Variants in AUTS2 observed in about 807,000 individuals in gnomAD.
The protein encoded by AUTS2 is activator of transcription and developmental regulator AUTS2, also known as autism susceptibility gene 2 protein.
AUTS2 carries 17 observed loss-of-function variants against 112.4 expected under a neutral mutation model. The ratio of observed to expected loss-of-function variants is 0.15; its 90% CI spans 0.10 to 0.23. The LOEUF is 0.23. Among genes scored for constraint, AUTS2 ranks in the 10% least tolerant of loss-of-function variants. The pLI is 1.00. For synonymous variants in AUTS2, 751 were observed against 702.7 expected, an observed-to-expected ratio of 1.07 and a Z score of -1.09; for missense variants, 1,510 against 1,701.6, an observed-to-expected ratio of 0.89 and a Z score of 1.98.
intron 3 of AUTS2, among the ~76,000 whole-genome samples, chr7:70,122,345 ATG>A (rs1198225024): frequency 6.6e-6 from 1 of 152,254 alleles, no homozygotes; most frequent in Non-Finnish European, 1.5e-5. Context: ...CTGTTAAAAA[ATG>A]TAAAAATAAT....
At chr7:70,789,331 G>A (rs762639086) in intron 18 of AUTS2, among the ~76,000 whole-genome samples, 43 of 152,334 alleles carry the variant, frequency 2.8e-4, no homozygotes, top group South Asian at 8.3e-4. Context: ...GATACTGGGC[G>A]TTGGGCTCTT....
At chr7:70,583,147 A>G (rs763304865) in intron 5 of AUTS2, among the ~76,000 whole-genome samples, 11 of 152,242 alleles carry the variant, frequency 7.2e-5, no homozygotes, top group Non-Finnish European at 1.5e-4. Context: ...CCTAGTCTCC[A>G]GAAGTGTTTT....
intron 4 of AUTS2, among the ~76,000 whole-genome samples, chr7:70,179,501 C>A (rs1263864654): frequency 6.6e-6 from 1 of 152,202 alleles, no homozygotes; most frequent in Non-Finnish European, 1.5e-5. Context: ...ACTCTCAAAG[C>A]CATGTCTGAC....
chr7:70,539,716 C>T (rs1208458804), intron 5 of AUTS2, among the ~76,000 whole-genome samples: 3 of 152,080 alleles, frequency 2.0e-5, no homozygotes, highest in Non-Finnish European at 4.4e-5. Flanking sequence ...CTGCGAATCG[C>T]GAGGCTCCAG....
intron 2 of AUTS2, among the ~76,000 whole-genome samples, chr7:69,929,816 TTTCACTTTATTGATTA>T (rs1300151270): frequency 1.3e-5 from 2 of 152,256 alleles, no homozygotes; most frequent in Non-Finnish European, 2.9e-5. Context: ...TCTGGGTTGT[TTTCACTTTATTGATTA>T]TTCTACTCAT....
At chr7:70,412,930 G>T (rs145220316) in intron 4 of AUTS2, among the ~76,000 whole-genome samples, 1 of 152,178 alleles carries the variant, frequency 6.6e-6, no homozygotes. Flanking sequence ...GTCAGAGGTC[G>T]CAGGAGCCGA....
chr7:70,085,547 A>G (rs1003851328), intron 2 of AUTS2, among the ~76,000 whole-genome samples: 1 of 151,856 alleles, frequency 6.6e-6, no homozygotes, highest in African/African-American at 2.4e-5. Flanking sequence ...TGTATTTTTT[A>G]GTAGAGACAG....
chr7:69,673,680 C>T (rs1394262614), intron 1 of AUTS2, among the ~76,000 whole-genome samples: 1 of 152,140 alleles, frequency 6.6e-6, no homozygotes, highest in African/African-American at 2.4e-5. Flanking sequence ...AGTCTGAATT[C>T]CTTATTGGTA....
At position 70,039,316 on chromosome 7, in the gene AUTS2, A is replaced by C. The variant is rs1334950036; in HGVS notation, c.523-78816A>C. Among the ~76,000 whole-genome samples the C allele has an allele frequency of 2.0e-5, 3 of 151,990 alleles. No individual in the cohort carries two copies. In the East Asian group the frequency reaches 5.8e-4, roughly 29 times the overall value. ...TTACAATTCACTACCGGTTCTTCAGATTAAGGTCTTCTGATCATGGTTCAG... is the reference window on the plus strand; with the variant it reads ...TTACAATTCACTACCGGTTCTTCAGCTTAAGGTCTTCTGATCATGGTTCAG... On this transcript the variant is annotated intron_variant, in intron 2 of 18. Transcript: ENST00000342771.
At chr7:70,556,785 T>C (rs1276072067) in intron 5 of AUTS2, among the ~76,000 whole-genome samples, 1 of 152,192 alleles carries the variant, frequency 6.6e-6, no homozygotes, top group South Asian at 2.1e-4. Context: ...TGGATCCAAA[T>C]GTCCAACTTC....
At chr7:70,621,319 G>A (rs558498270) in intron 5 of AUTS2, among the ~76,000 whole-genome samples, 26 of 152,280 alleles carry the variant, frequency 1.7e-4, no homozygotes, top group African/African-American at 6.0e-4. Flanking sequence ...GGGCAGGGTG[G>A]GGGGTTCTCC....
intron 1 of AUTS2, among the ~76,000 whole-genome samples, chr7:69,665,611 T>A (rs1217479420): frequency 6.6e-6 from 1 of 152,204 alleles, no homozygotes; most frequent in Non-Finnish European, 1.5e-5. Context: ...AGCTGTTTCT[T>A]CCCAGACGGT....
chr7:70,265,337 A>C (rs913007949), intron 4 of AUTS2, among the ~76,000 whole-genome samples: 4 of 152,128 alleles, frequency 2.6e-5, no homozygotes. Flanking sequence ...GTTGCTGGCT[A>C]GTTTCTTGTG....
At chr7:70,721,656 C>G (rs1199960102) in intron 6 of AUTS2, among the ~76,000 whole-genome samples, 2 of 152,154 alleles carry the variant, frequency 1.3e-5, no homozygotes, top group African/African-American at 4.8e-5. Context: ...TGTAGCAGTT[C>G]ATGACCTGCT....
intron 1 of AUTS2, among the ~76,000 whole-genome samples, chr7:69,752,210 G>A (rs1787767345): frequency 6.6e-6 from 1 of 152,196 alleles, no homozygotes; most frequent in Admixed American, 6.5e-5. Flanking sequence ...GAGAGTCAGT[G>A]GGCTGGGGTG....
intron 5 of AUTS2, among the ~76,000 whole-genome samples, chr7:70,504,177 C>G (rs1798876307): frequency 2.0e-5 from 3 of 151,722 alleles, no homozygotes; most frequent in Admixed American, 1.3e-4. Context: ...AATATTAAAG[C>G]TTTATAGGCT....
Position 70,010,395 on chromosome 7 carries a change from T to C in AUTS2, c.523-107737T>C, listed in dbSNP as rs139162816. Among the ~76,000 whole-genome samples, 869 of 152,276 alleles carry C rather than the reference T, an allele frequency of 5.7e-3. 6 individuals carry two copies. Among genetic ancestry groups the C allele is most frequent in the Non-Finnish European group, 9.9e-3 (671 of 68,012 alleles). ...TCCTGGTCTTAAGCAATCCTCCTGC[T>C]TCGGCCTCCCAAAGTGCTGGGATTG... On this transcript the variant is annotated intron_variant, in intron 2 of 18. Coordinates refer to ENST00000342771, the MANE Select transcript of AUTS2 (RefSeq NM_015570.4).
intron 1 of AUTS2, among the ~76,000 whole-genome samples, chr7:69,691,537 G>A (rs1797344021): frequency 6.6e-6 from 1 of 152,206 alleles, no homozygotes; most frequent in Non-Finnish European, 1.5e-5. Context: ...TGACTGGGTC[G>A]CGGCAGTGCC....
intron 4 of AUTS2, among the ~76,000 whole-genome samples, chr7:70,294,992 G>T (rs898708866): frequency 6.6e-6 from 1 of 152,240 alleles, no homozygotes; most frequent in Non-Finnish European, 1.5e-5. Flanking sequence ...TACTCACTTC[G>T]AAATGATTTC....
Sources: gnomAD v4.1 joint callset for allele counts (sites outside exome capture counted in the v4.1 genomes callset) on GRCh38, gnomAD v4.1.1 for gene constraint, MANE v1.5 for transcripts, NCBI Gene and HGNC (gene_info 2026-07-23, HGNC 2026-07-21) for gene names.